COL22A1: variants seen among roughly 807,000 people sequenced by gnomAD.
COL22A1 encodes the protein collagen type XXII alpha 1 chain, also known as collagen alpha-1(XXII) chain.
In COL22A1, 221 loss-of-function variants were observed where a neutral mutation model predicts 248.9. The observed-to-expected ratio is 0.89, with a 90% CI of 0.80 to 0.99. The LOEUF is 0.99. Ranked by LOEUF, COL22A1 falls within the 50% of genes least tolerant of loss-of-function variation. The pLI, the probability that COL22A1 is intolerant of heterozygous loss-of-function variation, is 0.00. For missense variants in COL22A1, 2,240 were observed against 2,179.0 expected, an observed-to-expected ratio of 1.03 and a Z score of -0.56; for synonymous variants, 891 against 793.4, an observed-to-expected ratio of 1.12 and a Z score of -2.07.
At position 138,700,103 on chromosome 8, in the gene COL22A1, A is replaced by G. The variant is rs4909836; in HGVS notation, c.2592+9T>C. 82,453 of 1,612,606 alleles carry G rather than the reference A, an allele frequency of 0.051. 3,103 individuals are homozygous for G. Among genetic ancestry groups the G allele is most frequent in the African/African-American group, 0.15 (10,904 of 74,992 alleles). ...ACACTGGGCACCCCGAGGCACCGCTACTACTTACGGGCATCCGTGGATGTG... is the reference window on the plus strand; with the variant it reads ...ACACTGGGCACCCCGAGGCACCGCTGCTACTTACGGGCATCCGTGGATGTG... On this transcript the variant is annotated intron_variant, in intron 32 of 64. Coordinates refer to ENST00000303045, the MANE Select transcript of COL22A1 (RefSeq NM_152888.3).
At chr8:138,736,226 A>C (rs1831101415) in intron 23 of COL22A1, among the ~76,000 whole-genome samples, 1 of 151,732 alleles carries the variant, frequency 6.6e-6, no homozygotes, top group Non-Finnish European at 1.5e-5. Flanking sequence ...ATCCTGCTTC[A>C]GCATGAACTT....
chr8:138,675,707 A>G (rs1460928952), intron 41 of COL22A1, among the ~76,000 whole-genome samples: 1 of 152,212 alleles, frequency 6.6e-6, no homozygotes, highest in African/African-American at 2.4e-5. Context: ...ATAGGCTTCA[A>G]GGTTGTAAAC....
At position 138,880,940 on chromosome 8, in the gene COL22A1, C is replaced by T. The variant is rs142322682; in HGVS notation, c.91+2142G>A. Among the ~76,000 whole-genome samples, 806 of 152,348 alleles carry T rather than the reference C, an allele frequency of 5.3e-3. 9 individuals carry two copies. The highest frequency in any genetic ancestry group is 0.019 in the African/African-American group (776 of 41,574). ...CCCTTTTGAGCTCAGGGCACATTTT[C>T]TCCCAGAGGCCAGGGAACAGGCGGG... On this transcript the variant is annotated intron_variant, in intron 2 of 64. Transcript: ENST00000303045.
intron 63 of COL22A1, among the ~76,000 whole-genome samples, chr8:138,591,758 A>G (rs1470756228): frequency 1.3e-5 from 2 of 152,206 alleles, no homozygotes; most frequent in East Asian, 3.8e-4. Flanking sequence ...ACTCCCTCCT[A>G]AACACATATC....
chr8:138,691,681 A>G (rs200599835), intron 35 of COL22A1, among the ~76,000 whole-genome samples: 11 of 29,770 alleles, frequency 3.7e-4, no homozygotes, highest in Admixed American at 8.5e-4. Context: ...GTATATGTGT[A>G]CAGTGCATGT....
At chr8:138,742,836 T>C (rs111162976) in intron 22 of COL22A1, among the ~76,000 whole-genome samples, 30,377 of 144,642 alleles carry the variant, frequency 0.21, 3,760 homozygotes, top group African/African-American at 0.36. Flanking sequence ...ATGATGGTAG[T>C]AGTGATTGTG....
intron 60 of COL22A1, among the ~76,000 whole-genome samples, chr8:138,600,889 T>A (rs1457937331): frequency 6.6e-6 from 1 of 152,230 alleles, no homozygotes; most frequent in East Asian, 1.9e-4. Context: ...ATCTCATGCA[T>A]GGTACAGAAT....
chr8:138,838,105 A>G lies in COL22A1; in HGVS notation c.734-4955T>C, dbSNP rs183984372. ...GGGAAAGAGAGCACCGCAGCCGGCC[A>G]CACCTGGGTTCCTGTCCCTGTTCTC... is the stretch of plus-strand genomic sequence containing the variant. On this transcript the variant is annotated intron_variant, in intron 4 of 64. Transcript: ENST00000303045. Among the ~76,000 whole-genome samples the G allele has an allele frequency of 7.3e-5, 11 of 151,352 alleles. No homozygotes were observed. In the East Asian group the frequency reaches 1.8e-3, roughly 24 times the overall value.
intron 12 of COL22A1, among the ~76,000 whole-genome samples, chr8:138,792,796 C>T (rs1408263644): frequency 6.6e-6 from 1 of 152,180 alleles, no homozygotes; most frequent in Non-Finnish European, 1.5e-5. Context: ...AGGTCACTCC[C>T]CTTGTCTAAG....
chr8:138,654,137 G>A (rs530138623), intron 45 of COL22A1, among the ~76,000 whole-genome samples: 1 of 152,280 alleles, frequency 6.6e-6, no homozygotes, highest in East Asian at 1.9e-4. Context: ...TAAAGATTGG[G>A]ACATCTTGAG....
chr8:138,802,791 T>C, intron 11 of COL22A1, 81 bp downstream of exon 11: 1 of 1,086,980 alleles, frequency 9.2e-7, no homozygotes, highest in Non-Finnish European at 1.4e-6. Flanking sequence ...CCACACTTGC[T>C]GATTTGCATG....
chr8:138,867,414 T>A (rs1407951671), intron 3 of COL22A1, among the ~76,000 whole-genome samples: 1 of 152,222 alleles, frequency 6.6e-6, no homozygotes, highest in Non-Finnish European at 1.5e-5. Flanking sequence ...TGGCATGTTC[T>A]TTTTTATATA....
At chr8:138,776,544 C>G (rs1013153227) in intron 15 of COL22A1, among the ~76,000 whole-genome samples, 5 of 152,096 alleles carry the variant, frequency 3.3e-5, no homozygotes, top group African/African-American at 1.2e-4. Flanking sequence ...ACTCCCTGCC[C>G]CTCTGTGTAT....
rs541734286 is a variant in COL22A1 at position 138,780,917 on chromosome 8, C to T, written c.1650+10G>A. On this transcript the variant is annotated intron_variant, in intron 13 of 64. Transcript: ENST00000303045. ...GCCTTGTGAGCCAGGGCAGACGGAA[C>T]AGAACTTACTCTCATGCCTTTGCTG... The T allele has an allele frequency of 1.2e-6, 2 of 1,612,408 alleles. No individual in the cohort carries two copies. Among genetic ancestry groups the T allele is most frequent in the African/African-American group, 1.3e-5 (1 of 74,904 alleles).
intron 3 of COL22A1, among the ~76,000 whole-genome samples, chr8:138,862,344 C>G (rs972187555): frequency 1.3e-4 from 20 of 152,214 alleles, no homozygotes; most frequent in Non-Finnish European, 2.6e-4. Flanking sequence ...AAGTCGGCCT[C>G]TGTCCGTGCC....
At chr8:138,837,007 G>T (rs959571657) in intron 4 of COL22A1, among the ~76,000 whole-genome samples, 1 of 152,196 alleles carries the variant, frequency 6.6e-6, no homozygotes, top group African/African-American at 2.4e-5. Flanking sequence ...CAGTGAGGAA[G>T]TTATCCGGTT....
intron 50 of COL22A1, among the ~76,000 whole-genome samples, chr8:138,629,485 C>T (rs543069814): frequency 6.6e-6 from 1 of 152,226 alleles, no homozygotes; most frequent in South Asian, 2.1e-4. Flanking sequence ...CATCCTGGGA[C>T]TTCTAGATGG....
intron 3 of COL22A1, among the ~76,000 whole-genome samples, chr8:138,849,143 C>A (rs958209956): frequency 6.6e-6 from 1 of 152,186 alleles, no homozygotes; most frequent in Non-Finnish European, 1.5e-5. Flanking sequence ...GACACAAGGG[C>A]CCAAGGATCA....
chr8:138,629,113 G>C (rs893053623), intron 50 of COL22A1, among the ~76,000 whole-genome samples: 3 of 151,524 alleles, frequency 2.0e-5, no homozygotes, highest in Non-Finnish European at 4.4e-5. Flanking sequence ...GCCTGGCCCT[G>C]GATCCACATC....
Sources: gnomAD v4.1 joint callset for allele counts (sites outside exome capture counted in the v4.1 genomes callset) on GRCh38, gnomAD v4.1.1 for gene constraint, MANE v1.5 for transcripts, NCBI Gene and HGNC (gene_info 2026-07-23, HGNC 2026-07-21) for gene names.